The following CCDC62 variants were observed in gnomAD, a reference collection of about 807,000 sequenced individuals.
The protein encoded by CCDC62 is coiled-coil domain-containing protein 62.
In CCDC62, 72 loss-of-function variants were observed where a neutral mutation model predicts 80.8. The ratio of observed to expected loss-of-function variants is 0.89; its 90% CI spans 0.74 to 1.08. The LOEUF (loss-of-function observed/expected upper bound fraction) is 1.08. Among genes scored for constraint, CCDC62 ranks in the 50% least tolerant of loss-of-function variants. The pLI is 0.00. For synonymous variants in CCDC62, 286 were observed against 296.5 expected, an observed-to-expected ratio of 0.96 and a Z score of 0.36; for missense variants, 704 against 809.4, an observed-to-expected ratio of 0.87 and a Z score of 1.58.
At chr12:122,813,210 G>A (rs1263338577) in intron 10 of CCDC62, 60 bp from the exon 11 acceptor site, 1 of 1,486,106 alleles carries the variant, frequency 6.7e-7, no homozygotes, top group South Asian at 1.3e-5. Context: ...ATATTCCTAG[G>A]TAGTTAGCAT....
chr12:122,817,632 C>T (rs1260798732), intron 11 of CCDC62, among the ~76,000 whole-genome samples: 4 of 152,172 alleles, frequency 2.6e-5, no homozygotes. Context: ...CCCAAATTCA[C>T]GTTTTCCAAA....
chr12:122,798,946 G>A (rs1215297428), intron 8 of CCDC62, among the ~76,000 whole-genome samples: 1 of 151,800 alleles, frequency 6.6e-6, no homozygotes, highest in African/African-American at 2.4e-5. Context: ...CAGGCATGGT[G>A]GCAGGCGCCT....
chr12:122,820,840 CAAAAA>C (rs35113362), intron 11 of CCDC62, among the ~76,000 whole-genome samples: 8 of 129,784 alleles, frequency 6.2e-5, no homozygotes, highest in Non-Finnish European at 9.8e-5. Context: ...GACTCTGTCT[CAAAAA>C]AAAAAAAAAA....
Position 122,797,398 on chromosome 12 carries a change from A to G in CCDC62, c.861+3A>G, listed in dbSNP as rs748517777. 2 of 1,527,676 alleles carry G rather than the reference A, an allele frequency of 1.3e-6. No homozygotes were observed. The highest frequency in any genetic ancestry group is 9.1e-7 in the Non-Finnish European group (1 of 1,102,312). 94.6% of individuals were successfully genotyped at this position (1,527,676 alleles called of 1,614,324 possible). ...CAGAACTGCACAATCTGAGACAGGT[A>G]TGTCCCCAATCATCCTTCTCTGTCA... On this transcript the variant is annotated splice_donor_region_variant and intron_variant, in intron 7 of 12. Transcript: ENST00000253079.
chr12:122,819,367 C>T (rs1382364703), intron 11 of CCDC62, among the ~76,000 whole-genome samples: 4 of 152,186 alleles, frequency 2.6e-5, no homozygotes, highest in Non-Finnish European at 5.9e-5. Flanking sequence ...TGCTGTGAGA[C>T]AGGCACTCTC....
chr12:122,774,723 G>T lies in CCDC62; in HGVS notation c.36+17G>T. 1 of 1,248,916 alleles carries T rather than the reference G, an allele frequency of 8.0e-7. No homozygotes were observed. The highest frequency in any genetic ancestry group is 1.0e-6 in the Non-Finnish European group (1 of 987,384). 77.4% of individuals were successfully genotyped at this position (1,248,916 alleles called of 1,614,324 possible). On this transcript the variant is annotated intron_variant, in intron 1 of 12. Transcript: ENST00000253079. ...GGGCGCCAGGTAAGCAGCGGTTCCG[G>T]GCGCGGCGGGGCGCCGCGGGAACGG...
At chr12:122,808,534 T>C (rs2031722846) in intron 10 of CCDC62, among the ~76,000 whole-genome samples, 1 of 152,140 alleles carries the variant, frequency 6.6e-6, no homozygotes, top group Non-Finnish European at 1.5e-5. Flanking sequence ...ACCTTTTTTT[T>C]TCTTTTTTTA....
At chr12:122,776,582 G>A (rs976970029) in intron 1 of CCDC62, 2 of 152,160 alleles carry the variant, frequency 1.3e-5, no homozygotes, top group Non-Finnish European at 2.9e-5. Flanking sequence ...ACATGTGAAA[G>A]ATTTCCTTAC....
At chr12:122,803,335 T>C (rs1593811061) in intron 9 of CCDC62, among the ~76,000 whole-genome samples, 1 of 152,184 alleles carries the variant, frequency 6.6e-6, no homozygotes, top group Non-Finnish European at 1.5e-5. Flanking sequence ...TGGTAAGTTA[T>C]TGGTTTTTTT....
At chr12:122,812,777 G>GAGAGAGAGAGAGAGAAAGAAAGAA (rs750420995) in intron 10 of CCDC62, among the ~76,000 whole-genome samples, 4 of 57,782 alleles carry the variant, frequency 6.9e-5, no homozygotes, top group African/African-American at 2.3e-4. Flanking sequence ...GAGAGAGAGA[G>GAGAGAGAGAGAGAGAAAGAAAGAA]AGAAAGAAAG....
At chr12:122,788,493 A>C (rs2030402846) in intron 4 of CCDC62, among the ~76,000 whole-genome samples, 2 of 152,254 alleles carry the variant, frequency 1.3e-5, no homozygotes, top group African/African-American at 4.8e-5. Context: ...TGTCTGAGGC[A>C]GCCAGCTAGG....
At chr12:122,783,387 C>G (rs1324589059) in intron 3 of CCDC62, among the ~76,000 whole-genome samples, 1 of 151,762 alleles carries the variant, frequency 6.6e-6, no homozygotes, top group African/African-American at 2.4e-5. Context: ...GCCACCACGC[C>G]CGGCTAATTT....
intron 2 of CCDC62, among the ~76,000 whole-genome samples, chr12:122,780,410 A>G (rs774181639): frequency 4.0e-5 from 6 of 151,704 alleles, no homozygotes; most frequent in South Asian, 2.1e-4. Flanking sequence ...TCAGGAGATC[A>G]AGACCATCCT....
At chr12:122,805,721 A>G (rs2031564944) in intron 9 of CCDC62, among the ~76,000 whole-genome samples, 1 of 151,846 alleles carries the variant, frequency 6.6e-6, no homozygotes, top group African/African-American at 2.4e-5. Flanking sequence ...TCACCGTGTT[A>G]GGATGGTCTC....
At chr12:122,806,980 AC>A (rs1278161882) in intron 10 of CCDC62, among the ~76,000 whole-genome samples, 2 of 152,050 alleles carry the variant, frequency 1.3e-5, no homozygotes, top group African/African-American at 4.8e-5. Context: ...GTCTAGAGAG[AC>A]CCAGGTGACA....
At chr12:122,776,668 G>A (rs577321765) in intron 1 of CCDC62, 2 of 152,326 alleles carry the variant, frequency 1.3e-5, no homozygotes, top group Non-Finnish European at 2.9e-5. Context: ...GATTGAGTAT[G>A]TATAGATGCC....
chr12:122,780,141 C>T (rs1234045931), intron 2 of CCDC62, among the ~76,000 whole-genome samples: 1 of 149,606 alleles, frequency 6.7e-6, no homozygotes, highest in Non-Finnish European at 1.5e-5. Context: ...GAAACCCCAT[C>T]TCTACTAAAA....
intron 6 of CCDC62, among the ~76,000 whole-genome samples, chr12:122,793,377 GT>G (rs2030747210): frequency 6.6e-6 from 1 of 152,126 alleles, no homozygotes; most frequent in Non-Finnish European, 1.5e-5. Context: ...AGAAAGCCCA[GT>G]AGAATCATCT....
At chr12:122,822,126 CAG>C (rs2032431568) in intron 11 of CCDC62, among the ~76,000 whole-genome samples, 2 of 113,978 alleles carry the variant, frequency 1.8e-5, no homozygotes, top group Admixed American at 2.1e-4. Context: ...TTTTTTGAGA[CAG>C]AATGTCACTC....
Sources: gnomAD v4.1 joint callset for allele counts (sites outside exome capture counted in the v4.1 genomes callset) on GRCh38, gnomAD v4.1.1 for gene constraint, MANE v1.5 for transcripts, NCBI Gene and HGNC (gene_info 2026-07-23, HGNC 2026-07-21) for gene names.